MAGI1: variants seen among roughly 807,000 people sequenced by gnomAD.
MAGI1 encodes membrane-associated guanylate kinase, WW and PDZ domain-containing protein 1.
MAGI1 carries 58 observed loss-of-function variants against 139.9 expected under a neutral mutation model. The ratio of observed to expected loss-of-function variants is 0.41; its 90% CI spans 0.34 to 0.52. The LOEUF is 0.52. MAGI1 is among the 20% of genes least tolerant of loss of function. MAGI1 has a pLI of 0.12. For missense variants in MAGI1, 1,874 were observed against 1,901.6 expected, an observed-to-expected ratio of 0.99 and a Z score of 0.27; for synonymous variants, 812 against 737.9, an observed-to-expected ratio of 1.10 and a Z score of -1.63.
chr3:66,036,311 A>T (rs1387922057), intron 1 of MAGI1, among the ~76,000 whole-genome samples: 1 of 152,216 alleles, frequency 6.6e-6, no homozygotes. Flanking sequence ...AGCCAGTGTG[A>T]GGAAGACGCA....
intron 13 of MAGI1, among the ~76,000 whole-genome samples, chr3:65,399,909 G>A (rs1007269080): frequency 3.3e-5 from 5 of 152,174 alleles, no homozygotes; most frequent in Non-Finnish European, 7.3e-5. Context: ...CATGCTACCT[G>A]TGCAAAACTA....
chr3:65,540,712 T>C lies in MAGI1; in HGVS notation c.431-47081A>G, dbSNP rs115079097. Among the ~76,000 whole-genome samples the C allele has an allele frequency of 4.1e-3, 629 of 152,308 alleles. 7 individuals are homozygous for C. The highest frequency in any genetic ancestry group is 0.014 in the South Asian group (67 of 4,830). ...GGTAATGATTCATCAGAGTATGCCCTTAAAGAGGTTTTAGTTCATACACAC... is the reference window on the plus strand; with the variant it reads ...GGTAATGATTCATCAGAGTATGCCCCTAAAGAGGTTTTAGTTCATACACAC... On this transcript the variant is annotated intron_variant, in intron 2 of 22. Transcript: ENST00000402939.
At chr3:65,566,037 C>G (rs2080614408) in intron 2 of MAGI1, among the ~76,000 whole-genome samples, 4 of 151,662 alleles carry the variant, frequency 2.6e-5, no homozygotes, top group Admixed American at 2.0e-4. Flanking sequence ...GGGCGGATCA[C>G]AAGGTCAGGA....
intron 1 of MAGI1, among the ~76,000 whole-genome samples, chr3:66,023,607 A>G (rs1200859011): frequency 2.6e-5 from 4 of 152,234 alleles, no homozygotes; most frequent in Non-Finnish European, 5.9e-5. Flanking sequence ...CTTAGAGGTT[A>G]ATCATGTTCT....
chr3:65,806,536 C>A (rs925547362), intron 1 of MAGI1, among the ~76,000 whole-genome samples: 1 of 152,172 alleles, frequency 6.6e-6, no homozygotes, highest in African/African-American at 2.4e-5. Context: ...CTGTACGTCA[C>A]TTTCCATTTT....
chr3:65,772,742 G>T (rs768717448), intron 1 of MAGI1, among the ~76,000 whole-genome samples: 2 of 152,216 alleles, frequency 1.3e-5, no homozygotes, highest in Admixed American at 1.3e-4. Flanking sequence ...GCAGGTAAAT[G>T]AGTCTAAGTT....
At chr3:65,617,437 G>T (rs533866826) in intron 2 of MAGI1, among the ~76,000 whole-genome samples, 1 of 152,148 alleles carries the variant, frequency 6.6e-6, no homozygotes. Flanking sequence ...TTATCTTCAT[G>T]GGAAAAGCGG....
chr3:65,999,703 A>C (rs1221661785), intron 1 of MAGI1, among the ~76,000 whole-genome samples: 1 of 152,164 alleles, frequency 6.6e-6, no homozygotes, highest in Non-Finnish European at 1.5e-5. Flanking sequence ...TTTAAGCCAC[A>C]ATAGGACACA....
chr3:65,407,130 A>T (rs893106216), intron 12 of MAGI1, among the ~76,000 whole-genome samples: 3 of 152,168 alleles, frequency 2.0e-5, no homozygotes, highest in Non-Finnish European at 4.4e-5. Context: ...GATGGTCGAC[A>T]CAGCACTATT....
At chr3:65,938,248 G>C (rs1293780540) in intron 1 of MAGI1, among the ~76,000 whole-genome samples, 1 of 149,944 alleles carries the variant, frequency 6.7e-6, no homozygotes, top group Non-Finnish European at 1.5e-5. Flanking sequence ...AAACAATTTT[G>C]AAATGTGCTT....
intron 22 of MAGI1, chr3:65,359,060 A>G: frequency 6.2e-7 from 1 of 1,613,508 alleles, no homozygotes; most frequent in Non-Finnish European, 8.5e-7. Context: ...ATTGAGCTAC[A>G]AACCGTAGTT....
chr3:65,966,696 G>A (rs1231630015), intron 1 of MAGI1, among the ~76,000 whole-genome samples: 4 of 152,148 alleles, frequency 2.6e-5, no homozygotes, highest in Admixed American at 6.6e-5. Flanking sequence ...CCCCATTGCT[G>A]CTAATTACGA....
intron 2 of MAGI1, among the ~76,000 whole-genome samples, chr3:65,542,290 AC>A (rs1357710225): frequency 1.3e-5 from 2 of 152,216 alleles, no homozygotes; most frequent in Admixed American, 1.3e-4. Flanking sequence ...AAATGGAAAA[AC>A]ATTCCATGCT....
At chr3:65,528,561 C>T (rs546874997) in intron 2 of MAGI1, among the ~76,000 whole-genome samples, 76 of 152,248 alleles carry the variant, frequency 5.0e-4, no homozygotes, top group Non-Finnish European at 9.7e-4. Flanking sequence ...ATTTCTGAAC[C>T]TGTAATGTGA....
chr3:65,928,752 T>G (rs911916264), intron 1 of MAGI1, among the ~76,000 whole-genome samples: 6 of 152,100 alleles, frequency 3.9e-5, no homozygotes, highest in Non-Finnish European at 8.8e-5. Context: ...AAAACCTACG[T>G]TTTCAAATAA....
At chr3:65,389,780 T>C (rs751708656) in intron 14 of MAGI1, among the ~76,000 whole-genome samples, 11 of 152,222 alleles carry the variant, frequency 7.2e-5, no homozygotes, top group Non-Finnish European at 1.5e-4. Context: ...CTCAAATTAG[T>C]GGGCTTTTTG....
intron 2 of MAGI1, among the ~76,000 whole-genome samples, chr3:65,581,239 C>T (rs1003047920): frequency 6.6e-6 from 1 of 151,932 alleles, no homozygotes; most frequent in South Asian, 2.1e-4. Context: ...GGGGGCAGCA[C>T]AAAGGACTTT....
intron 15 of MAGI1, 109 bp from the exon 16 acceptor site, chr3:65,382,178 GCCGC>G: frequency 1.1e-6 from 1 of 904,986 alleles, no homozygotes; most frequent in Non-Finnish European, 1.7e-6. Context: ...CTGCAGGCAT[GCCGC>G]AAACATTTAT....
chr3:65,358,967 G>A, intron 22 of MAGI1: 1 of 1,106,060 alleles, frequency 9.0e-7, no homozygotes, highest in South Asian at 1.2e-5. Flanking sequence ...AGGGTGCTCA[G>A]AATGAATTGC....
Sources: allele counts gnomAD v4.1 joint callset (sites outside exome capture counted in the v4.1 genomes callset), GRCh38; gene constraint gnomAD v4.1.1; transcripts MANE v1.5; gene names NCBI Gene and HGNC (gene_info 2026-07-23, HGNC 2026-07-21).